Variants in ARHGAP42 observed in about 807,000 individuals in gnomAD.
ARHGAP42 encodes rho GTPase-activating protein 42.
ARHGAP42 carries 63 observed loss-of-function variants against 125.0 expected under a neutral mutation model. That is an observed-to-expected ratio of 0.50 (90% CI 0.41 to 0.62). The LOEUF (loss-of-function observed/expected upper bound fraction) is 0.62. Ranked by LOEUF, ARHGAP42 falls within the 20% of genes least tolerant of loss-of-function variation. ARHGAP42 has a pLI of 0.00. For missense variants in ARHGAP42, 766 were observed against 1,024.2 expected, an observed-to-expected ratio of 0.75 and a Z score of 3.44; for synonymous variants, 339 against 351.0, an observed-to-expected ratio of 0.97 and a Z score of 0.38.
chr11:100,778,335 C>A (rs1863180317), intron 2 of ARHGAP42, among the ~76,000 whole-genome samples: 1 of 152,010 alleles, frequency 6.6e-6, no homozygotes, highest in Admixed American at 6.6e-5. Flanking sequence ...AGGAAGTAAA[C>A]TACCTTCTCA....
intron 2 of ARHGAP42, among the ~76,000 whole-genome samples, chr11:100,773,296 T>A (rs1037357381): frequency 6.6e-6 from 1 of 152,190 alleles, no homozygotes; most frequent in Non-Finnish European, 1.5e-5. Context: ...ACTTTAATAT[T>A]TTTCACTTAT....
At chr11:100,839,593 G>A (rs1864894756) in intron 3 of ARHGAP42, 1 of 152,324 alleles carries the variant, frequency 6.6e-6, no homozygotes, top group African/African-American at 2.4e-5. Flanking sequence ...TGATTAGGCA[G>A]TGTGTTAAGT....
chr11:100,856,987 A>G (rs1865335796), intron 3 of ARHGAP42, among the ~76,000 whole-genome samples: 1 of 152,054 alleles, frequency 6.6e-6, no homozygotes, highest in Non-Finnish European at 1.5e-5. Flanking sequence ...CATGTTTTTA[A>G]TACATTCCAG....
intron 4 of ARHGAP42, among the ~76,000 whole-genome samples, chr11:100,893,969 C>G (rs1433744525): frequency 6.6e-6 from 1 of 152,088 alleles, no homozygotes; most frequent in South Asian, 2.1e-4. Context: ...TGAATCACCC[C>G]ATGCCTGAGA....
intron 23 of ARHGAP42, among the ~76,000 whole-genome samples, chr11:100,988,412 T>C (rs1301772103): frequency 1.3e-5 from 2 of 152,160 alleles, no homozygotes; most frequent in Non-Finnish European, 2.9e-5. Context: ...ATAATACAAA[T>C]TTTAAAAATA....
chr11:100,872,932 C>G (rs991402187), intron 4 of ARHGAP42, among the ~76,000 whole-genome samples: 1 of 152,048 alleles, frequency 6.6e-6, no homozygotes, highest in Non-Finnish European at 1.5e-5. Flanking sequence ...AGAAGAAACT[C>G]CAGAGAAATA....
intron 8 of ARHGAP42, among the ~76,000 whole-genome samples, chr11:100,940,069 T>C (rs1230259614): frequency 2.0e-5 from 3 of 152,156 alleles, no homozygotes; most frequent in Non-Finnish European, 4.4e-5. Context: ...TTAAGTATTA[T>C]AGTGTGAAAT....
chr11:100,725,765 C>G (rs1054063295), intron 1 of ARHGAP42, among the ~76,000 whole-genome samples: 1 of 151,758 alleles, frequency 6.6e-6, no homozygotes, highest in African/African-American at 2.4e-5. Flanking sequence ...GTGAAACCCC[C>G]TCTGTAAAAA....
chr11:100,793,863 A>G (rs1314033519), intron 2 of ARHGAP42, among the ~76,000 whole-genome samples: 1 of 151,986 alleles, frequency 6.6e-6, no homozygotes, highest in East Asian at 1.9e-4. Flanking sequence ...CTTGAGTCCA[A>G]GAGTTTGAGA....
chr11:100,964,210 A>G (rs1221866952), intron 16 of ARHGAP42, among the ~76,000 whole-genome samples: 1 of 152,152 alleles, frequency 6.6e-6, no homozygotes, highest in Non-Finnish European at 1.5e-5. Context: ...TCCTTGGCAG[A>G]ACAGAGGTCA....
intron 1 of ARHGAP42, among the ~76,000 whole-genome samples, chr11:100,752,843 A>G (rs147336683): frequency 8.0e-4 from 122 of 152,330 alleles, no homozygotes; most frequent in African/African-American, 2.7e-3. Context: ...CTCATGCACA[A>G]GTTTTCTCCT....
intron 6 of ARHGAP42, among the ~76,000 whole-genome samples, chr11:100,931,274 G>C (rs540576059): frequency 8.0e-4 from 122 of 152,276 alleles, no homozygotes; most frequent in African/African-American, 2.9e-3. Flanking sequence ...TTTAGGACTG[G>C]AGCATCAAGC....
chr11:100,755,403 G>T (rs981530260), intron 1 of ARHGAP42, among the ~76,000 whole-genome samples: 4 of 152,206 alleles, frequency 2.6e-5, no homozygotes, highest in African/African-American at 9.6e-5. Flanking sequence ...ATGAGCATAT[G>T]GAAAAAGCAG....
intron 17 of ARHGAP42, among the ~76,000 whole-genome samples, chr11:100,969,951 TTC>T (rs895167858): frequency 6.6e-6 from 1 of 152,100 alleles, no homozygotes; most frequent in Non-Finnish European, 1.5e-5. Flanking sequence ...CTAGTACTGA[TTC>T]TCTCTAGCTT....
intron 2 of ARHGAP42, among the ~76,000 whole-genome samples, chr11:100,770,818 A>T (rs1862956855): frequency 1.3e-5 from 2 of 152,316 alleles, no homozygotes; most frequent in South Asian, 4.1e-4. Context: ...ACCTCAGGTG[A>T]TCCACCCGCC....
At chr11:100,846,349 T>A (rs1865064851) in intron 3 of ARHGAP42, among the ~76,000 whole-genome samples, 1 of 152,162 alleles carries the variant, frequency 6.6e-6, no homozygotes. Flanking sequence ...TATGCATGGA[T>A]AGAGCATTGT....
At chr11:100,948,603 T>A in intron 11 of ARHGAP42, 68 bp downstream of exon 11, 2 of 1,242,866 alleles carry the variant, frequency 1.6e-6, no homozygotes, top group Non-Finnish European at 2.3e-6. Flanking sequence ...TGGAAATTCT[T>A]TTCATAGTAT....
At chr11:100,972,200 G>A (rs11603306) in intron 17 of ARHGAP42, among the ~76,000 whole-genome samples, 33,784 of 152,064 alleles carry the variant, frequency 0.22, 4,467 homozygotes, top group Middle Eastern at 0.36. Context: ...AGTTTGTGAC[G>A]CATGGTCAGT....
At chr11:100,689,165 C>G (rs980952187) in intron 1 of ARHGAP42, among the ~76,000 whole-genome samples, 1 of 152,186 alleles carries the variant, frequency 6.6e-6, no homozygotes, top group African/African-American at 2.4e-5. Context: ...CCCATATTCA[C>G]TTAATTTCTG....
Sources: allele counts gnomAD v4.1 joint callset (sites outside exome capture counted in the v4.1 genomes callset), GRCh38; gene constraint gnomAD v4.1.1; transcripts MANE v1.5; gene names NCBI Gene and HGNC (gene_info 2026-07-23, HGNC 2026-07-21).